Variants in PPIL1 observed in about 807,000 individuals in gnomAD.
PPIL1 encodes peptidylprolyl isomerase like 1, also known as peptidyl-prolyl cis-trans isomerase-like 1.
Under a neutral mutation model 19.4 loss-of-function variants are expected in PPIL1, and 14 were observed. The observed-to-expected ratio is 0.72, with a 90% CI of 0.48 to 1.13. The LOEUF (loss-of-function observed/expected upper bound fraction) is 1.13, where lower values mean the gene tolerates loss of function less well. Among genes scored for constraint, PPIL1 ranks in the 50% most tolerant of loss-of-function variants. The pLI is 0.00. For missense variants in PPIL1, 192 were observed against 218.0 expected (o/e 0.88, Z 0.75); for synonymous variants, 72 against 73.6 (o/e 0.98, Z 0.11).
chr6:36,865,820 C>T (rs1774383757), intron 2 of PPIL1, among the ~76,000 whole-genome samples: 1 of 152,150 alleles, frequency 6.6e-6, no homozygotes, highest in African/African-American at 2.4e-5. Flanking sequence ...AAGAAAATGC[C>T]TTGGCTTTTA....
rs1561843652 is a variant in PPIL1 at position 36,854,870 on chromosome 6, A to G, written c.*943T>C. The G allele has an allele frequency of 6.6e-6, 1 of 152,668 alleles. No individual in the cohort carries two copies. Among genetic ancestry groups the G allele is most frequent in the East Asian group, 1.9e-4 (1 of 5,204 alleles). The allele number at this position is 152,668 out of a possible 1,614,324, so 9.5% of individuals were successfully genotyped here. On this transcript the variant is annotated 3_prime_UTR_variant, in exon 4 of 4. Coordinates refer to ENST00000373699, the MANE Select transcript of PPIL1 (RefSeq NM_016059.5). ...CATTTTATTGTGGAAGTTTCTATGT[A>G]TTACATAGGTATTAACTTCCTTCCT...
intron 2 of PPIL1, among the ~76,000 whole-genome samples, chr6:36,862,769 C>G (rs752455607): frequency 6.6e-6 from 1 of 152,160 alleles, no homozygotes; most frequent in Non-Finnish European, 1.5e-5. Flanking sequence ...AAAAACAGCC[C>G]GTGGGATTAG....
Position 36,856,663 on chromosome 6 carries a change from T to C in PPIL1, c.212-9A>G, listed in dbSNP as rs1474418141. On this transcript the variant is annotated splice_polypyrimidine_tract_variant and intron_variant, in intron 2 of 3. Coordinates refer to ENST00000373699, the MANE Select transcript of PPIL1 (RefSeq NM_016059.5). ...AGATGCACCACCTCGACCTGCCCGA[T>C]TGGAAGATGACACATGAATCAGCCA... 1 of 1,613,364 alleles carries C rather than the reference T, an allele frequency of 6.2e-7. No individual in the cohort carries two copies. Among genetic ancestry groups the C allele is most frequent in the Non-Finnish European group, 8.5e-7 (1 of 1,179,410 alleles).
intron 2 of PPIL1, among the ~76,000 whole-genome samples, chr6:36,857,468 G>A (rs1217327923): frequency 9.2e-5 from 14 of 151,764 alleles, no homozygotes; most frequent in Non-Finnish European, 2.9e-5. Context: ...GCCACAGAGC[G>A]AGACCCTGAC....
chr6:36,869,801 TC>T (rs1299404299), intron 2 of PPIL1, among the ~76,000 whole-genome samples: 1 of 152,232 alleles, frequency 6.6e-6, no homozygotes, highest in African/African-American at 2.4e-5. Context: ...GCCTCATCTT[TC>T]ACTGTAGGAA....
chr6:36,858,331 C>G (rs919056229), intron 2 of PPIL1, among the ~76,000 whole-genome samples: 1 of 146,644 alleles, frequency 6.8e-6, no homozygotes, highest in Non-Finnish European at 1.5e-5. Flanking sequence ...CAATACTAAT[C>G]AATTATGTAG....
At chr6:36,869,588 T>C (rs2116447) in intron 2 of PPIL1, among the ~76,000 whole-genome samples, 76,781 of 151,662 alleles carry the variant, frequency 0.51, 19,948 homozygotes, top group East Asian at 0.67. Flanking sequence ...AAAAAAACAC[T>C]AAAAAACCAC....
rs181099844 is a variant in PPIL1 at position 36,858,895 on chromosome 6, A to G, written c.212-2241T>C. On this transcript the variant is annotated intron_variant, in intron 2 of 3. Coordinates refer to ENST00000373699, the MANE Select transcript of PPIL1 (RefSeq NM_016059.5). ...TGGCTGGGGTTACCAGAGACTAGGG[A>G]GAGGGCTGTGGGGCCAGACGCCACA... 4.0e-3 allele frequency among the ~76,000 whole-genome samples: 608 copies of G among 152,242 alleles called. 3 individuals carry two copies. The highest frequency in any genetic ancestry group is 0.014 in the African/African-American group (578 of 41,538).
intron 1 of PPIL1, among the ~76,000 whole-genome samples, chr6:36,874,429 T>A (rs1214158834): frequency 6.6e-6 from 1 of 152,218 alleles, no homozygotes; most frequent in Non-Finnish European, 1.5e-5. Flanking sequence ...ATGCCTGGCT[T>A]GCGGACTCAT....
At position 36,855,733 on chromosome 6, in the gene PPIL1, G is replaced by T; in HGVS notation, c.*80C>A. Reference sequence around the variant, plus strand: ...GACTTGCAAAGCCAAAATGAATTTAGCATTACATGTCATTCTATGTCATCT... The same window carrying T: ...GACTTGCAAAGCCAAAATGAATTTATCATTACATGTCATTCTATGTCATCT... On this transcript the variant is annotated 3_prime_UTR_variant, in exon 4 of 4. Transcript: ENST00000373699. 6.9e-7 allele frequency: 1 copy of T among 1,451,630 alleles called. No individual in the cohort carries two copies. Among genetic ancestry groups the T allele is most frequent in the Non-Finnish European group, 9.6e-7 (1 of 1,037,894 alleles). 89.9% of individuals were successfully genotyped at this position (1,451,630 alleles called of 1,614,324 possible). A position where few individuals can be genotyped will look rare whatever the true frequency, so the allele number is the denominator to read the frequency against.
intron 2 of PPIL1, among the ~76,000 whole-genome samples, chr6:36,858,274 G>T (rs1476875489): frequency 1.4e-5 from 2 of 143,488 alleles, no homozygotes; most frequent in Non-Finnish European, 3.1e-5. Flanking sequence ...GTTAAACATG[G>T]TTTTCTCACA....
Position 36,855,679 on chromosome 6 carries a change from C to T in PPIL1, c.*134G>A. ...AAAATGTACTTCCATCTCTAACTCA[C>T]CCAAGATGCCAGGCCTCCTAAGCTT... On this transcript the variant is annotated 3_prime_UTR_variant, in exon 4 of 4. Transcript: ENST00000373699. 1.2e-6 allele frequency: 1 copy of T among 833,672 alleles called. No homozygotes were observed. Among genetic ancestry groups the T allele is most frequent in the Non-Finnish European group, 1.9e-6 (1 of 523,130 alleles). The allele number at this position is 833,672 out of a possible 1,614,324, so 51.6% of individuals were successfully genotyped here.
At chr6:36,873,424 T>G (rs1451849829) in intron 1 of PPIL1, among the ~76,000 whole-genome samples, 2 of 152,150 alleles carry the variant, frequency 1.3e-5, no homozygotes, top group East Asian at 3.8e-4. Flanking sequence ...AGAAAAAACA[T>G]ACATACAGTA....
rs564134707 is a variant in PPIL1, at chr6:36,870,318, C to T, written c.211+1400G>A. ...AGGGTTCCACCAGTTCACTAATAAACCCCATCTAAATGCCAGTAACTCCCA... is the reference window on the plus strand; with the variant it reads ...AGGGTTCCACCAGTTCACTAATAAATCCCATCTAAATGCCAGTAACTCCCA... On this transcript the variant is annotated intron_variant, in intron 2 of 3. Coordinates refer to ENST00000373699, the MANE Select transcript of PPIL1 (RefSeq NM_016059.5). Among the ~76,000 whole-genome samples the T allele has an allele frequency of 2.0e-5, 3 of 152,226 alleles. No homozygotes were observed. The South Asian group carries it at 6.2e-4, about 32-fold the overall frequency.
At chr6:36,873,089 G>C (rs959302812) in intron 1 of PPIL1, among the ~76,000 whole-genome samples, 2 of 152,194 alleles carry the variant, frequency 1.3e-5, no homozygotes, top group Non-Finnish European at 2.9e-5. Context: ...TACTCTGTGT[G>C]TGGTACTCTT....
intron 1 of PPIL1, 97 bp from the exon 2 acceptor site, chr6:36,871,969 T>A: frequency 8.6e-7 from 1 of 1,160,766 alleles, no homozygotes. Context: ...TTCAAGCTTG[T>A]AAGTCATGAA....
chr6:36,871,699 A>G lies in PPIL1; in HGVS notation c.211+19T>C. 2 of 1,574,598 alleles carry G rather than the reference A, an allele frequency of 1.3e-6. No homozygotes were observed. The highest frequency in any genetic ancestry group is 2.4e-5 in the South Asian group (2 of 83,134). ...AGAAAAAAAAAAGAAAACATAAACT[A>G]ATGTTGGCTTAACTGTACCTGTCCC... On this transcript the variant is annotated intron_variant, in intron 2 of 3. Coordinates refer to ENST00000373699, the MANE Select transcript of PPIL1 (RefSeq NM_016059.5).
At chr6:36,859,785 A>G (rs1774241827) in intron 2 of PPIL1, among the ~76,000 whole-genome samples, 1 of 143,574 alleles carries the variant, frequency 7.0e-6, no homozygotes, top group Non-Finnish European at 1.5e-5. Context: ...CACAGACACA[A>G]TGAAGATAGG....
chr6:36,859,672 A>G (rs1774240140), intron 2 of PPIL1, among the ~76,000 whole-genome samples: 1 of 152,136 alleles, frequency 6.6e-6, no homozygotes, highest in Admixed American at 6.5e-5. Context: ...AGGGACAGAG[A>G]ATGATTAAAG....
Sources: gnomAD v4.1 joint callset for allele counts (sites outside exome capture counted in the v4.1 genomes callset) on GRCh38, gnomAD v4.1.1 for gene constraint, MANE v1.5 for transcripts, NCBI Gene and HGNC (gene_info 2026-07-23, HGNC 2026-07-21) for gene names.